Variants in ASXL2 observed in about 807,000 individuals in gnomAD.
ASXL2 encodes the protein putative Polycomb group protein ASXL2.
In ASXL2, 23 loss-of-function variants were observed where a neutral mutation model predicts 122.0. The observed-to-expected ratio is 0.19, with a 90% CI of 0.14 to 0.27. The LOEUF (loss-of-function observed/expected upper bound fraction) is 0.27. Ranked by LOEUF, ASXL2 falls within the 10% of genes least tolerant of loss-of-function variation. The pLI is 1.00. For missense variants in ASXL2, 1,518 were observed against 1,713.8 expected (o/e 0.89, Z 2.02); for synonymous variants, 650 against 637.0 (o/e 1.02, Z -0.31).
chr2:25,872,823 A>T (rs903562709), intron 1 of ASXL2, among the ~76,000 whole-genome samples: 1 of 152,200 alleles, frequency 6.6e-6, no homozygotes, highest in Non-Finnish European at 1.5e-5. Flanking sequence ...ATAAATAGAC[A>T]AAACTATCAA....
intron 2 of ASXL2, 136 bp downstream of exon 2, chr2:25,845,344 CA>C: frequency 7.3e-7 from 1 of 1,371,756 alleles, no homozygotes. Context: ...TAAAAAATGC[CA>C]AAGATCTGAC....
At chr2:25,789,712 A>G (rs1249287243) in intron 5 of ASXL2, among the ~76,000 whole-genome samples, 1 of 152,220 alleles carries the variant, frequency 6.6e-6, no homozygotes, top group African/African-American at 2.4e-5. Context: ...AACTTTCTGA[A>G]TTTGGGATGC....
intron 5 of ASXL2, among the ~76,000 whole-genome samples, chr2:25,796,620 T>C (rs563636146): frequency 3.9e-4 from 60 of 152,178 alleles, no homozygotes; most frequent in Non-Finnish European, 6.5e-4. Flanking sequence ...CCAAACGGAA[T>C]AAGAGCAAAG....
At chr2:25,750,435 T>C (rs749751115) in intron 11 of ASXL2, 22 bp from the exon 12 acceptor site, 3 of 1,551,712 alleles carry the variant, frequency 1.9e-6, no homozygotes, top group African/African-American at 2.8e-5. Flanking sequence ...AAAAAAGAAA[T>C]ATTCCAGTTG....
intron 3 of ASXL2, among the ~76,000 whole-genome samples, chr2:25,831,460 G>T (rs150261481): frequency 1.9e-4 from 29 of 152,038 alleles, no homozygotes; most frequent in Non-Finnish European, 2.8e-4. Context: ...CAGGTATTGC[G>T]CTGGGCAACA....
intron 5 of ASXL2, among the ~76,000 whole-genome samples, chr2:25,792,710 A>G (rs2088853552): frequency 6.6e-6 from 1 of 151,496 alleles, no homozygotes; most frequent in African/African-American, 2.4e-5. Flanking sequence ...GGTTCAAGTG[A>G]TTCTCTTGCC....
chr2:25,759,759 A>G, intron 8 of ASXL2, 114 bp from the exon 9 acceptor site: 1 of 1,080,622 alleles, frequency 9.3e-7, no homozygotes, highest in Non-Finnish European at 1.3e-6. Context: ...TAAATATCAC[A>G]CTACGAAGAA....
intron 9 of ASXL2, among the ~76,000 whole-genome samples, chr2:25,758,174 C>T (rs74706225): frequency 5.8e-4 from 89 of 152,306 alleles, no homozygotes; most frequent in African/African-American, 1.9e-3. Flanking sequence ...TGTTCTGATT[C>T]ACAACACTAT....
At chr2:25,863,795 C>T (rs2089865863) in intron 1 of ASXL2, among the ~76,000 whole-genome samples, 1 of 151,730 alleles carries the variant, frequency 6.6e-6, no homozygotes, top group South Asian at 2.1e-4. Context: ...CACTTGAGGT[C>T]GGGAGTTCGA....
At chr2:25,795,020 G>C (rs17047143) in intron 5 of ASXL2, among the ~76,000 whole-genome samples, 14,442 of 152,114 alleles carry the variant, frequency 0.095, 876 homozygotes, top group African/African-American at 0.17. Context: ...ATGAAAGACA[G>C]ATGCATATTC....
chr2:25,749,015 G>A (rs2087989736), intron 12 of ASXL2, among the ~76,000 whole-genome samples: 1 of 152,174 alleles, frequency 6.6e-6, no homozygotes, highest in African/African-American at 2.4e-5. Context: ...GGGAGCTAAA[G>A]GTAGTTCCTG....
intron 5 of ASXL2, among the ~76,000 whole-genome samples, chr2:25,787,119 GA>G (rs1223030712): frequency 6.6e-6 from 1 of 152,104 alleles, no homozygotes; most frequent in Non-Finnish European, 1.5e-5. Flanking sequence ...TCAATATTCA[GA>G]GAGGAAATCC....
intron 8 of ASXL2, among the ~76,000 whole-genome samples, chr2:25,761,038 C>G (rs1259994412): frequency 6.6e-6 from 1 of 152,094 alleles, no homozygotes; most frequent in Non-Finnish European, 1.5e-5. Flanking sequence ...ACAATTTACC[C>G]TCAATTTACC....
chr2:25,874,488 C>T (rs1420001475), intron 1 of ASXL2, among the ~76,000 whole-genome samples: 1 of 152,100 alleles, frequency 6.6e-6, no homozygotes, highest in Non-Finnish European at 1.5e-5. Context: ...GACCCCGTCT[C>T]ACACACAAAA....
At chr2:25,809,908 G>C (rs2089141778) in intron 3 of ASXL2, 5 of 512,504 alleles carry the variant, frequency 9.8e-6, no homozygotes, top group Non-Finnish European at 1.9e-5. Context: ...GCAGCAGCAG[G>C]GTGAGACTGA....
chr2:25,743,954 G>A lies in ASXL2; in HGVS notation c.2383C>T (p.Pro795Ser), dbSNP rs2087893926. 6 of 1,613,990 alleles carry A rather than the reference G, an allele frequency of 3.7e-6. No individual in the cohort carries two copies. Among genetic ancestry groups the A allele is most frequent in the Non-Finnish European group, 5.1e-6 (6 of 1,179,886 alleles). The change falls in exon 13 of 13, where the codon CCA becomes TCA. Residue 795 changes from proline (P) to serine (S), a missense_variant. Physicochemically the swap from Pro to Ser is moderately conservative, Grantham distance 74. Coordinates refer to ENST00000435504, the MANE Select transcript of ASXL2 (RefSeq NM_018263.6). ...VSGACTSVPS[P>S]AHIEKLDNEK... ...TTATCCAATTTCTCTATGTGGGCTG[G>A]TGATGGGACACTTGTGCATGCTCCA...
chr2:25,758,232 G>C (rs1008003309), intron 9 of ASXL2, among the ~76,000 whole-genome samples: 2 of 152,192 alleles, frequency 1.3e-5, no homozygotes, highest in Non-Finnish European at 2.9e-5. Flanking sequence ...TTCAGAATTA[G>C]AAAGATTTAG....
intron 5 of ASXL2, among the ~76,000 whole-genome samples, chr2:25,795,395 A>C (rs1272920848): frequency 6.6e-6 from 1 of 152,296 alleles, no homozygotes; most frequent in Middle Eastern, 3.4e-3. Flanking sequence ...TATGTTATTC[A>C]TATCTACCTA....
At chr2:25,782,790 C>T (rs938160558) in intron 5 of ASXL2, among the ~76,000 whole-genome samples, 2 of 152,150 alleles carry the variant, frequency 1.3e-5, no homozygotes, top group East Asian at 3.9e-4. Flanking sequence ...TATTCTAGCT[C>T]TGTAACAGTG....
Sources: gnomAD v4.1 joint callset for allele counts (sites outside exome capture counted in the v4.1 genomes callset) on GRCh38, gnomAD v4.1.1 for gene constraint, MANE v1.5 for transcripts, NCBI Gene and HGNC (gene_info 2026-07-23, HGNC 2026-07-21) for gene names.